MYOCD: variants seen among roughly 807,000 people sequenced by gnomAD.
MYOCD encodes the protein myocardin.
A neutral mutation model predicts 96.1 loss-of-function variants in MYOCD; 32 were observed. That is an observed-to-expected ratio of 0.33 (90% CI 0.25 to 0.45). The LOEUF (loss-of-function observed/expected upper bound fraction) is 0.45, where lower values mean the gene tolerates loss of function less well. Among genes scored for constraint, MYOCD ranks in the 20% least tolerant of loss-of-function variants. MYOCD has a pLI of 1.00. For synonymous variants in MYOCD, 469 were observed against 469.0 expected (o/e 1.00, Z 0.00); for missense variants, 1,133 against 1,200.6 (o/e 0.94, Z 0.83).
intron 1 of MYOCD, among the ~76,000 whole-genome samples, chr17:12,704,223 T>G (rs2031198515): frequency 6.6e-6 from 1 of 152,118 alleles, no homozygotes; most frequent in South Asian, 2.1e-4. Flanking sequence ...AGCTTTAAGC[T>G]CTCTCTTGTC....
intron 1 of MYOCD, among the ~76,000 whole-genome samples, chr17:12,697,359 A>ATTTTTTTTTTT (rs71144918): frequency 1.3e-5 from 1 of 75,738 alleles, no homozygotes; most frequent in African/African-American, 6.0e-5. Flanking sequence ...ATATATATAT[A>ATTTTTTTTTTT]TTTTTTTTTT....
intron 1 of MYOCD, among the ~76,000 whole-genome samples, chr17:12,670,975 C>G (rs946855783): frequency 6.6e-6 from 1 of 152,212 alleles, no homozygotes; most frequent in African/African-American, 2.4e-5. Context: ...CTCCCATGCC[C>G]TTCCCTCACC....
At chr17:12,723,151 TC>T in intron 5 of MYOCD, 143 bp downstream of exon 5, 1 of 779,278 alleles carries the variant, frequency 1.3e-6, no homozygotes, top group Non-Finnish European at 2.0e-6. Context: ...CAGTTAATTC[TC>T]CATAACCAGG....
At chr17:12,728,800 C>T (rs558769526) in intron 5 of MYOCD, among the ~76,000 whole-genome samples, 13 of 152,224 alleles carry the variant, frequency 8.5e-5, no homozygotes, top group East Asian at 3.9e-4. Flanking sequence ...AAAAAGAACC[C>T]GTGATTTAGA....
Position 12,666,381 on chromosome 17 carries a change from C to T in MYOCD, c.55+138C>T, listed in dbSNP as rs146593869. 2.9e-4 allele frequency: 196 copies of T among 684,794 alleles called. No individual in the cohort carries two copies. The African/African-American group carries it at 3.0e-3, about 11-fold the overall frequency. 42.4% of individuals were successfully genotyped at this position (684,794 alleles called of 1,614,324 possible). Reference sequence around the variant, plus strand: ...GTTCCCCAAAAGCACATTGTGGAAGCGAAGAGTTTTGTTTGACTTTGGGGG... The same window carrying T: ...GTTCCCCAAAAGCACATTGTGGAAGTGAAGAGTTTTGTTTGACTTTGGGGG... On this transcript the variant is annotated intron_variant, in intron 1 of 13. Coordinates refer to ENST00000425538, the MANE Select transcript of MYOCD (RefSeq NM_001146312.3).
At chr17:12,757,295 AG>A (rs1255461502) in intron 11 of MYOCD, among the ~76,000 whole-genome samples, 2 of 152,192 alleles carry the variant, frequency 1.3e-5, no homozygotes, top group African/African-American at 2.4e-5. Flanking sequence ...CTGACATAAA[AG>A]TGCCACATAC....
chr17:12,752,543 A>G lies in MYOCD; in HGVS notation c.1255A>G (p.Thr419Ala), dbSNP rs746526856. 1.2e-6 allele frequency: 2 copies of G among 1,614,092 alleles called. No homozygotes were observed. The highest frequency in any genetic ancestry group is 3.3e-5 in the Admixed American group (2 of 60,018). The change falls in exon 10 of 14, where the codon ACG (threonine) becomes GCG (alanine). Residue 419 changes from threonine to alanine, a missense_variant. Thr to Ala is a moderately conservative substitution (Grantham distance 58, BLOSUM62 0). Coordinates refer to ENST00000425538, the MANE Select transcript of MYOCD (RefSeq NM_001146312.3). Reference sequence around the variant, plus strand: ...CCCAGTGCCGAACTTTGGGGATATAACGACTGTCACTTTTCCTGTCACACC... The same window carrying G: ...CCCAGTGCCGAACTTTGGGGATATAGCGACTGTCACTTTTCCTGTCACACC... ...GNPVPNFGDI[T>A]TVTFPVTPNT...
In MYOCD at chr17:12,739,328, G is replaced by A; in HGVS notation, c.717G>A (p.Lys239=). 1 of 1,567,528 alleles carries A rather than the reference G, an allele frequency of 6.4e-7. No individual in the cohort carries two copies. The highest frequency in any genetic ancestry group is 8.6e-7 in the Non-Finnish European group (1 of 1,158,652). The change falls in exon 7 of 14, where the codon AAG becomes AAA. Residue 239 remains lysine (K), a splice_region_variant and synonymous_variant. Transcript: ENST00000425538. ...CCATAGCCGTGCATGCTGCTGTAAA[G>A]GTACGGACACATCAGCCTCCAAGCC... The part of the protein sequence containing the change: ...STPIAVHAAV[K]SKSLGDSKNR...
chr17:12,710,468 A>C (rs2031446785), intron 2 of MYOCD: 1 of 972,394 alleles, frequency 1.0e-6, no homozygotes, highest in Non-Finnish European at 1.2e-6. Context: ...CTGTCTATGA[A>C]TGGTGCTGCC....
chr17:12,684,003 A>G (rs538984161), intron 1 of MYOCD, among the ~76,000 whole-genome samples: 3 of 152,348 alleles, frequency 2.0e-5, no homozygotes, highest in Admixed American at 2.0e-4. Context: ...CAATTTGGCT[A>G]CCAATAATCA....
intron 5 of MYOCD, among the ~76,000 whole-genome samples, chr17:12,726,118 A>G (rs2031991668): frequency 6.6e-6 from 1 of 152,202 alleles, no homozygotes; most frequent in Non-Finnish European, 1.5e-5. Context: ...TCAACAGCTT[A>G]ACAAGAAAGG....
At chr17:12,674,929 T>C (rs1460997269) in intron 1 of MYOCD, among the ~76,000 whole-genome samples, 2 of 152,112 alleles carry the variant, frequency 1.3e-5, no homozygotes, top group African/African-American at 4.8e-5. Flanking sequence ...GAAATAAAAA[T>C]GGACATATTT....
chr17:12,745,164 A>G (rs1433532405), intron 8 of MYOCD, among the ~76,000 whole-genome samples: 2 of 152,176 alleles, frequency 1.3e-5, no homozygotes, highest in Admixed American at 6.5e-5. Context: ...TTGTGTGACC[A>G]CATTGCTAGG....
At chr17:12,741,902 C>A (rs1181749451) in intron 7 of MYOCD, among the ~76,000 whole-genome samples, 1 of 151,872 alleles carries the variant, frequency 6.6e-6, no homozygotes, top group African/African-American at 2.4e-5. Flanking sequence ...ACACAAAAAC[C>A]TTAGTGTCCC....
Position 12,752,712 on chromosome 17 carries a change from T to G in MYOCD, c.1424T>G (p.Phe475Cys). The G allele has an allele frequency of 6.2e-7, 1 of 1,614,162 alleles. No homozygotes were observed. The highest frequency in any genetic ancestry group is 1.1e-5 in the South Asian group (1 of 91,074). Residue 475 changes from phenylalanine (F) to cysteine (C), a missense_variant, in exon 10 of 14, where the codon TTC becomes TGC. Coordinates refer to ENST00000425538, the MANE Select transcript of MYOCD (RefSeq NM_001146312.3). ...LSVAGSLPDT[F>C]NDASPSFGLH... ...GTCGCTGGGTCCCTGCCGGACACCT[T>G]CAATGATGCCTCCCCCTCCTTCGGC...
chr17:12,666,869 A>G (rs1281172834), intron 1 of MYOCD, among the ~76,000 whole-genome samples: 1 of 152,214 alleles, frequency 6.6e-6, no homozygotes. Context: ...GAAACTTCTC[A>G]AAGGACGCTG....
chr17:12,696,548 G>T (rs1045741921), intron 1 of MYOCD, among the ~76,000 whole-genome samples: 1 of 152,262 alleles, frequency 6.6e-6, no homozygotes, highest in South Asian at 2.1e-4. Context: ...GTGCACAAGG[G>T]TGTTAATCTC....
chr17:12,754,815 C>T (rs1468564479), intron 10 of MYOCD, among the ~76,000 whole-genome samples: 2 of 152,208 alleles, frequency 1.3e-5, no homozygotes, highest in Admixed American at 1.3e-4. Context: ...AAGTGCCAAG[C>T]ATTACAAGGC....
chr17:12,681,660 G>A (rs1173881537), intron 1 of MYOCD, among the ~76,000 whole-genome samples: 2 of 152,116 alleles, frequency 1.3e-5, no homozygotes, highest in Non-Finnish European at 2.9e-5. Flanking sequence ...AAGCAGAGCC[G>A]GGACATCCCT....
Sources: allele counts gnomAD v4.1 joint callset (sites outside exome capture counted in the v4.1 genomes callset), GRCh38; gene constraint gnomAD v4.1.1; transcripts MANE v1.5; gene names NCBI Gene and HGNC (gene_info 2026-07-23, HGNC 2026-07-21).